SBSPON: variants seen among roughly 807,000 people sequenced by gnomAD.
SBSPON encodes the protein somatomedin B and thrombospondin type 1 domain containing.
A neutral mutation model predicts 35.8 loss-of-function variants in SBSPON; 30 were observed. The ratio of observed to expected loss-of-function variants is 0.84; its 90% confidence interval spans 0.63 to 1.14. The LOEUF is 1.14. SBSPON is among the 50% of genes most tolerant of loss of function. The pLI, the probability that SBSPON is intolerant of heterozygous loss-of-function variation, is 0.00. For synonymous variants in SBSPON, 136 were observed against 135.9 expected (o/e 1.00, Z 0.00); for missense variants, 364 against 357.7 (o/e 1.02, Z -0.14).
At chr8:73,073,734 G>A (rs1488199538) in intron 2 of SBSPON, among the ~76,000 whole-genome samples, 5 of 150,224 alleles carry the variant, frequency 3.3e-5, no homozygotes, top group Non-Finnish European at 3.0e-5. Flanking sequence ...AACCCAGGAG[G>A]TGGGGGCTGC....
intron 2 of SBSPON, among the ~76,000 whole-genome samples, chr8:73,073,316 A>G (rs940249368): frequency 1.3e-5 from 2 of 152,210 alleles, no homozygotes; most frequent in African/African-American, 4.8e-5. Context: ...GGAAGGGTAG[A>G]TACAAGCTGA....
Position 73,067,265 on chromosome 8 carries a change from G to T in SBSPON, c.*76C>A. On this transcript the variant is annotated 3_prime_UTR_variant, in exon 5 of 5. Coordinates refer to ENST00000297354, the MANE Select transcript of SBSPON (RefSeq NM_153225.4). ...TTGGGGACTTTGGCCAAAATTGAAG[G>T]TTTAGGAAACATTGAACATGACTTG... 1 of 953,336 alleles carries T rather than the reference G, an allele frequency of 1.0e-6. No individual in the cohort carries two copies. 59.1% of individuals were successfully genotyped at this position (953,336 alleles called of 1,614,324 possible). A position where few individuals can be genotyped will look rare whatever the true frequency, so the allele number is the denominator to read the frequency against.
intron 1 of SBSPON, among the ~76,000 whole-genome samples, chr8:73,084,010 C>T (rs1810768831): frequency 6.6e-6 from 1 of 152,228 alleles, no homozygotes. Flanking sequence ...GAGGTGATCT[C>T]AAGCACCATA....
chr8:73,081,015 G>C lies in SBSPON; in HGVS notation c.409+4C>G, dbSNP rs370221717. On this transcript the variant is annotated splice_donor_region_variant and intron_variant, in intron 2 of 4. Transcript: ENST00000297354. The stretch of plus-strand genomic sequence containing the variant: ...AAAGGCAGCAACCATGAAAACATCA[G>C]TACCATAGGTGTGCCCGCAGTCCTG... 6.3e-7 allele frequency: 1 copy of C among 1,583,090 alleles called. No homozygotes were observed. The highest frequency in any genetic ancestry group is 1.4e-5 in the African/African-American group (1 of 74,042).
intron 2 of SBSPON, among the ~76,000 whole-genome samples, chr8:73,076,730 G>A (rs534718187): frequency 6.6e-6 from 1 of 151,908 alleles, no homozygotes; most frequent in African/African-American, 2.4e-5. Flanking sequence ...GATGGAGGAC[G>A]GCGGCAGTGA....
Position 73,072,016 on chromosome 8 carries a change from G to A in SBSPON, c.410-146C>T, listed in dbSNP as rs570961418. On this transcript the variant is annotated intron_variant, in intron 2 of 4. Transcript: ENST00000297354. ...CCATCAAGGTGTGAAATGAGGCCAA[G>A]TTACAAATTCAATAAAGATGTGTGT... The A allele has an allele frequency of 2.0e-3, 1,260 of 623,658 alleles. 7 individuals are homozygous for A. The highest frequency in any genetic ancestry group is 8.5e-3 in the South Asian group (443 of 51,964). 38.6% of individuals were successfully genotyped at this position (623,658 alleles called of 1,614,324 possible).
At chr8:73,081,235 C>T (rs750546130) in intron 1 of SBSPON, 22 bp from the exon 2 acceptor site, 28 of 1,537,396 alleles carry the variant, frequency 1.8e-5, no homozygotes, top group Middle Eastern at 1.8e-4. Context: ...CACAATAGGA[C>T]GCTCACCTGA....
chr8:73,072,033 GAT>G (rs372275344), intron 2 of SBSPON, among the ~76,000 whole-genome samples, 163 bp from the exon 3 acceptor site: 6 of 152,330 alleles, frequency 3.9e-5, no homozygotes, highest in African/African-American at 1.2e-4. Flanking sequence ...ATTCAATAAA[GAT>G]GTGTGTGCAC....
rs951711130 is a variant in SBSPON at position 73,066,937 on chromosome 8, A to G, written c.*404T>C. 2 of 158,784 alleles carry G rather than the reference A, an allele frequency of 1.3e-5. No homozygotes were observed. The highest frequency in any genetic ancestry group is 4.8e-5 in the African/African-American group (2 of 41,578). The allele number at this position is 158,784 out of a possible 1,614,324, so 9.8% of individuals were successfully genotyped here. A position where few individuals can be genotyped will look rare whatever the true frequency, so the allele number is the denominator to read the frequency against. ...CTGTATACATGTTTTAAAGTGAGAA[A>G]CTTTTAAAAGATTATAAAATAGACT... On this transcript the variant is annotated 3_prime_UTR_variant, in exon 5 of 5. Coordinates refer to ENST00000297354, the MANE Select transcript of SBSPON (RefSeq NM_153225.4).
chr8:73,076,735 C>G (rs1295119678), intron 2 of SBSPON, among the ~76,000 whole-genome samples: 2 of 151,400 alleles, frequency 1.3e-5, no homozygotes, highest in African/African-American at 2.4e-5. Context: ...AGGACGGCGG[C>G]AGTGAGGAAA....
intron 4 of SBSPON, among the ~76,000 whole-genome samples, chr8:73,069,509 GTCTACCC>G (rs1212355193): frequency 2.6e-5 from 4 of 152,038 alleles, no homozygotes; most frequent in Non-Finnish European, 5.9e-5. Flanking sequence ...AGCTCAAGCA[GTCTACCC>G]ACCTCGGCCT....
At chr8:73,082,845 TTTC>T (rs1386375555) in intron 1 of SBSPON, among the ~76,000 whole-genome samples, 1 of 152,240 alleles carries the variant, frequency 6.6e-6, no homozygotes, top group Non-Finnish European at 1.5e-5. Flanking sequence ...CAATGCCTCT[TTTC>T]TTCCACCTTC....
intron 2 of SBSPON, among the ~76,000 whole-genome samples, chr8:73,080,743 G>A (rs556610261): frequency 6.6e-6 from 1 of 152,044 alleles, no homozygotes; most frequent in Non-Finnish European, 1.5e-5. Context: ...ACAAGCATGC[G>A]GTTTATTTCA....
At chr8:73,086,483 C>G (rs1810827963) in intron 1 of SBSPON, among the ~76,000 whole-genome samples, 1 of 152,074 alleles carries the variant, frequency 6.6e-6, no homozygotes, top group Non-Finnish European at 1.5e-5. Context: ...TTCTTTTTCT[C>G]CATGTGTATT....
At chr8:73,073,954 C>A (rs1262305273) in intron 2 of SBSPON, among the ~76,000 whole-genome samples, 1 of 152,124 alleles carries the variant, frequency 6.6e-6, no homozygotes, top group Admixed American at 6.5e-5. Flanking sequence ...TTTCTAAGAT[C>A]TACAGACAGA....
chr8:73,069,645 G>C (rs545545100), intron 4 of SBSPON, among the ~76,000 whole-genome samples, 160 bp downstream of exon 4: 99 of 152,130 alleles, frequency 6.5e-4, no homozygotes, highest in Non-Finnish European at 2.9e-4. Context: ...CTGGAGCCCT[G>C]GCCCCAGGCA....
At chr8:73,068,170 C>T (rs1810428863) in intron 4 of SBSPON, among the ~76,000 whole-genome samples, 1 of 152,140 alleles carries the variant, frequency 6.6e-6, no homozygotes, top group South Asian at 2.1e-4. Context: ...GTCACTGCTA[C>T]CTCAGCCAGG....
At chr8:73,069,714 G>C in intron 4 of SBSPON, 91 bp downstream of exon 4, 1 of 1,062,262 alleles carries the variant, frequency 9.4e-7, no homozygotes. Flanking sequence ...CCCTTGATAT[G>C]TTACATACTG....
chr8:73,084,339 C>T (rs1320823309), intron 1 of SBSPON, among the ~76,000 whole-genome samples: 1 of 152,194 alleles, frequency 6.6e-6, no homozygotes, highest in Non-Finnish European at 1.5e-5. Context: ...TAGCCAGTCA[C>T]GTCCAAGTAC....
Sources: allele counts gnomAD v4.1 joint callset (sites outside exome capture counted in the v4.1 genomes callset), GRCh38; gene constraint gnomAD v4.1.1; transcripts MANE v1.5; gene names NCBI Gene and HGNC (gene_info 2026-07-23, HGNC 2026-07-21).